The following PMS2 variants were observed in gnomAD, a reference collection of about 807,000 sequenced individuals.
PMS2 encodes PMS1 homolog 2, mismatch repair system component, also known as mismatch repair endonuclease PMS2.
In PMS2, 69 loss-of-function variants were observed where a neutral mutation model predicts 90.0. The ratio of observed to expected loss-of-function variants is 0.77; its 90% CI spans 0.63 to 0.94. PMS2 has a LOEUF of 0.94. Ranked by LOEUF, PMS2 falls within the 40% of genes least tolerant of loss-of-function variation. The probability of loss-of-function intolerance (pLI) is 0.00; values close to 1 mark genes in which losing one functional copy is unlikely to be tolerated. For synonymous variants in PMS2, 332 were observed against 375.1 expected (o/e 0.89, Z 1.33); for missense variants, 966 against 1,040.2 (o/e 0.93, Z 0.98).
intron 8 of PMS2, among the ~76,000 whole-genome samples, chr7:5,993,386 A>G (rs1200355675): frequency 8.3e-6 from 1 of 120,680 alleles, no homozygotes; most frequent in African/African-American, 3.2e-5. Context: ...AAAAAAAAAA[A>G]AAAAGAAAGA....
chr7:6,006,943 A>G (rs1377658860), intron 1 of PMS2, among the ~76,000 whole-genome samples: 1 of 152,032 alleles, frequency 6.6e-6, no homozygotes. Context: ...TGAAATCACA[A>G]ATCTGGTCAA....
At chr7:5,984,104 C>T (rs1163388333) in intron 11 of PMS2, among the ~76,000 whole-genome samples, 1 of 151,860 alleles carries the variant, frequency 6.6e-6, no homozygotes, top group Non-Finnish European at 1.5e-5. Context: ...TAAACCTACT[C>T]ATCTGTGGGT....
intron 5 of PMS2, among the ~76,000 whole-genome samples, chr7:5,999,714 T>A (rs1402589361): frequency 6.6e-6 from 1 of 152,146 alleles, no homozygotes; most frequent in East Asian, 1.9e-4. Context: ...GAGGATCGCT[T>A]GAGCCTAGGA....
At chr7:5,978,122 G>GAAAA (rs1365627104) in intron 13 of PMS2, among the ~76,000 whole-genome samples, 3 of 139,518 alleles carry the variant, frequency 2.2e-5, no homozygotes, top group African/African-American at 7.8e-5. Flanking sequence ...CTCCATCTCA[G>GAAAA]AAAAAAAAAA....
chr7:6,002,392 T>C, intron 5 of PMS2, 61 bp downstream of exon 5: 1 of 1,045,778 alleles, frequency 9.6e-7, no homozygotes, highest in Admixed American at 1.7e-5. Flanking sequence ...ACATCTTTAG[T>C]AAATCTTTTG....
At chr7:6,001,428 T>C (rs1300831746) in intron 5 of PMS2, among the ~76,000 whole-genome samples, 3 of 146,654 alleles carry the variant, frequency 2.0e-5, no homozygotes, top group East Asian at 4.1e-4. Context: ...TGGAGTGCAA[T>C]AGCTTGATCT....
chr7:6,003,819 A>T lies in PMS2; in HGVS notation c.251-27T>A, dbSNP rs1292337012. Reference sequence around the variant, plus strand: ...TGAAAGAGAGTGTAAAGTAAGGACTAAGATATCTCAAGTGCTATAACAACA... The same window carrying T: ...TGAAAGAGAGTGTAAAGTAAGGACTTAGATATCTCAAGTGCTATAACAACA... On this transcript the variant is annotated intron_variant, in intron 3 of 14. Transcript: ENST00000265849. 3 of 1,427,482 alleles carry T rather than the reference A, an allele frequency of 2.1e-6. No individual in the cohort carries two copies. In the South Asian group the frequency reaches 3.5e-5, roughly 16 times the overall value. 88.4% of individuals were successfully genotyped at this position (1,427,482 alleles called of 1,614,324 possible).
rs201939591 is a variant in PMS2, at chr7:5,983,651, C to CT, written c.2007-661dup. On this transcript the variant is annotated intron_variant, in intron 11 of 14. Transcript: ENST00000265849. ...ACATAGATCTACTTCATTATTTTTT[C>CT]TTTTTTTTTTTCTTTTAAGACGGAG... Among the ~76,000 whole-genome samples the CT allele has an allele frequency of 7.8e-4, 115 of 146,532 alleles. 2 individuals carry two copies. In the South Asian group the frequency reaches 0.015, roughly 19 times the overall value.
intron 6 of PMS2, among the ~76,000 whole-genome samples, chr7:5,997,815 G>A (rs1267009013): frequency 6.6e-6 from 1 of 152,066 alleles, no homozygotes; most frequent in African/African-American, 2.4e-5. Flanking sequence ...ATTGTTGGCC[G>A]GGTGGTTCAA....
chr7:5,984,659 C>A (rs1239905517), intron 11 of PMS2, among the ~76,000 whole-genome samples: 4 of 151,660 alleles, frequency 2.6e-5, no homozygotes, highest in Non-Finnish European at 5.9e-5. Context: ...GTGGTGGACA[C>A]CTGTACTCCC....
chr7:6,008,928 G>A lies in PMS2; in HGVS notation c.23+69C>T, dbSNP rs910461364. ...CCATGTTCCCCCCATTTCCAGGGAG[G>A]TTGGAATGCCGTGGGTCTCAAAGAG... On this transcript the variant is annotated intron_variant, in intron 1 of 14. Transcript: ENST00000265849. 8.8e-6 allele frequency: 14 copies of A among 1,582,914 alleles called. No homozygotes were observed. The South Asian group carries it at 1.4e-4, about 16-fold the overall frequency.
In PMS2 at chr7:5,998,175, G is replaced by A. The variant is rs181573024; in HGVS notation, c.706-752C>T. On this transcript the variant is annotated intron_variant, in intron 6 of 14. Coordinates refer to ENST00000265849, the MANE Select transcript of PMS2 (RefSeq NM_000535.7). ...CAGCTCACTGCAACCTCCATCTCCC[G>A]GGTTCCAGCGACTCTCCTGCCTCAG... Among the ~76,000 whole-genome samples the A allele has an allele frequency of 3.7e-4, 56 of 149,878 alleles. 1 individual carries two copies. Among genetic ancestry groups the A allele is most frequent in the African/African-American group, 1.2e-3 (50 of 40,846 alleles).
At chr7:5,982,252 C>T (rs1782360310) in intron 12 of PMS2, among the ~76,000 whole-genome samples, 1 of 152,038 alleles carries the variant, frequency 6.6e-6, no homozygotes, top group Non-Finnish European at 1.5e-5. Context: ...GTTGCCCAGG[C>T]TGGAGTGCGA....
intron 6 of PMS2, among the ~76,000 whole-genome samples, chr7:5,998,845 G>C (rs1350296277): frequency 6.6e-6 from 1 of 151,896 alleles, no homozygotes; most frequent in Non-Finnish European, 1.5e-5. Context: ...CAAAAAATTA[G>C]CCTGGCGTAG....
chr7:6,001,212 G>A (rs1785052783), intron 5 of PMS2, among the ~76,000 whole-genome samples: 1 of 151,186 alleles, frequency 6.6e-6, no homozygotes, highest in East Asian at 1.9e-4. Context: ...ACACATTTAG[G>A]CTTGTTGTTT....
intron 1 of PMS2, among the ~76,000 whole-genome samples, chr7:6,007,239 C>T (rs1293836537): frequency 6.6e-6 from 1 of 152,076 alleles, no homozygotes; most frequent in African/African-American, 2.4e-5. Context: ...TCTCAGCCTC[C>T]CAAGTAGCTG....
chr7:5,983,440 T>G (rs986435310), intron 11 of PMS2, among the ~76,000 whole-genome samples: 2 of 151,638 alleles, frequency 1.3e-5, no homozygotes, highest in African/African-American at 4.9e-5. Flanking sequence ...ATAACATTAA[T>G]TATTCATTCA....
chr7:5,988,013 A>G (rs1783240208), intron 10 of PMS2, among the ~76,000 whole-genome samples: 1 of 134,930 alleles, frequency 7.4e-6, no homozygotes, highest in African/African-American at 2.9e-5. Flanking sequence ...AGATGCCACC[A>G]CTGCTCTCCA....
chr7:6,002,247 C>G, intron 5 of PMS2: 1 of 522,774 alleles, frequency 1.9e-6, no homozygotes, highest in South Asian at 2.0e-5. Flanking sequence ...GTTGCCCAGT[C>G]CTAATAAACA....
Sources: allele counts gnomAD v4.1 joint callset (sites outside exome capture counted in the v4.1 genomes callset), GRCh38; gene constraint gnomAD v4.1.1; transcripts MANE v1.5; gene names NCBI Gene and HGNC (gene_info 2026-07-23, HGNC 2026-07-21).